The following PRKG1 variants were observed in gnomAD, a reference collection of about 807,000 sequenced individuals.
PRKG1 encodes cGMP-dependent protein kinase 1.
In PRKG1, 35 loss-of-function variants were observed where a neutral mutation model predicts 88.1. The ratio of observed to expected loss-of-function variants is 0.40; its 90% CI spans 0.30 to 0.53. The LOEUF is 0.53. Among genes scored for constraint, PRKG1 ranks in the 20% least tolerant of loss-of-function variants. PRKG1 has a pLI of 0.59. For synonymous variants in PRKG1, 303 were observed against 292.5 expected (o/e 1.04, Z -0.37); for missense variants, 540 against 839.8 (o/e 0.64, Z 4.41).
intron 8 of PRKG1, among the ~76,000 whole-genome samples, chr10:52,137,037 A>C (rs569159883): frequency 5.3e-5 from 8 of 152,232 alleles, no homozygotes; most frequent in South Asian, 2.1e-4. Context: ...CCTGCTGCTG[A>C]TATCTAATTT....
intron 2 of PRKG1, among the ~76,000 whole-genome samples, chr10:51,378,335 T>C (rs1316022949): frequency 1.3e-5 from 2 of 152,196 alleles, no homozygotes; most frequent in African/African-American, 4.8e-5. Flanking sequence ...AAATGCATGA[T>C]TCATGCATAA....
At chr10:51,155,848 T>C (rs2131979745) in intron 2 of PRKG1, among the ~76,000 whole-genome samples, 1 of 152,110 alleles carries the variant, frequency 6.6e-6, no homozygotes, top group African/African-American at 2.4e-5. Flanking sequence ...TAATCAGCTT[T>C]ACTCAATGTC....
intron 1 of PRKG1, chr10:51,062,993 TG>T (rs760726996): frequency 6.6e-6 from 1 of 152,184 alleles, no homozygotes; most frequent in Non-Finnish European, 1.5e-5. Context: ...TAGCTCATAG[TG>T]GTATTTCAGA....
At chr10:51,259,773 G>A (rs1839656986) in intron 2 of PRKG1, among the ~76,000 whole-genome samples, 1 of 152,116 alleles carries the variant, frequency 6.6e-6, no homozygotes, top group Non-Finnish European at 1.5e-5. Context: ...ACCGCGCCTG[G>A]CCCTCATCCC....
intron 9 of PRKG1, among the ~76,000 whole-genome samples, chr10:52,186,464 A>AT (rs144956784): frequency 0.034 from 5,212 of 151,860 alleles, 311 homozygotes; most frequent in African/African-American, 0.12. Context: ...TTCATGAAGG[A>AT]TTTTCCCCCA....
At chr10:52,124,790 T>A (rs1246838662) in intron 7 of PRKG1, among the ~76,000 whole-genome samples, 1 of 152,140 alleles carries the variant, frequency 6.6e-6, no homozygotes, top group African/African-American at 2.4e-5. Context: ...TATTTTTAAT[T>A]TATTGTATTT....
intron 2 of PRKG1, among the ~76,000 whole-genome samples, chr10:51,286,794 A>G (rs934334610): frequency 2.0e-5 from 3 of 152,200 alleles, no homozygotes; most frequent in African/African-American, 2.4e-5. Context: ...TATTCCTCCT[A>G]TCTAGCTGAG....
In PRKG1 at chr10:51,014,318, CTT is replaced by C. The variant is rs71029340; in HGVS notation, c.266+22689_266+22690del. On this transcript the variant is annotated intron_variant, in intron 1 of 17. Transcript: ENST00000401604. ...AGCTACTCCTGCATGCAGGCATTCTCTTTTTTTTTTTTTTTTGAGGTGCTCCA... is the reference window on the plus strand; with the variant it reads ...AGCTACTCCTGCATGCAGGCATTCTCTTTTTTTTTTTTTTGAGGTGCTCCA... 5.5e-3 allele frequency among the ~76,000 whole-genome samples: 760 copies of C among 137,946 alleles called. 6 individuals carry two copies. The highest frequency in any genetic ancestry group is 0.018 in the Admixed American group (241 of 13,664). The allele number at this position is 137,946 out of a possible 152,430, so 90.5% of individuals were successfully genotyped here. A position where few individuals can be genotyped will look rare whatever the true frequency, so the allele number is the denominator to read the frequency against.
chr10:52,086,750 C>T (rs1324854721), intron 7 of PRKG1, among the ~76,000 whole-genome samples: 1 of 152,072 alleles, frequency 6.6e-6, no homozygotes, highest in Non-Finnish European at 1.5e-5. Context: ...GGCATTTGAA[C>T]AGTGTATTAG....
intron 2 of PRKG1, among the ~76,000 whole-genome samples, chr10:51,205,127 C>CTTTCTTTCTTTTTTTTTTTTTTTTTTT (rs1433048297): frequency 3.1e-5 from 2 of 64,032 alleles, no homozygotes; most frequent in African/African-American, 5.8e-5. Flanking sequence ...ATTTTCTTTT[C>CTTTCTTTCTTTTTTTTTTTTTTTTTTT]TTTTTTTTTT....
In PRKG1 at chr10:51,171,157, G is replaced by A. The variant is rs1055424709; in HGVS notation, c.478+17827G>A. 2.6e-5 allele frequency among the ~76,000 whole-genome samples: 4 copies of A among 152,144 alleles called. No homozygotes were observed. The East Asian group carries it at 5.8e-4, about 22-fold the overall frequency. On this transcript the variant is annotated intron_variant, in intron 2 of 17. Coordinates refer to ENST00000373980, the MANE Select transcript of PRKG1 (RefSeq NM_006258.4). The stretch of plus-strand genomic sequence containing the variant: ...AATGGTATGTGAGACACAGTGAGGA[G>A]TGAAAGATGACTCCAAGTTTTTGGC...
At chr10:51,271,490 A>T (rs988325815) in intron 2 of PRKG1, among the ~76,000 whole-genome samples, 1 of 152,156 alleles carries the variant, frequency 6.6e-6, no homozygotes, top group African/African-American at 2.4e-5. Flanking sequence ...AATATTATGG[A>T]TATAAGATGT....
chr10:51,801,231 C>A (rs1255585908), intron 3 of PRKG1, among the ~76,000 whole-genome samples: 1 of 152,066 alleles, frequency 6.6e-6, no homozygotes, highest in Admixed American at 6.6e-5. Context: ...CTCAGTTCAG[C>A]CAGAGACAAT....
At chr10:51,910,067 A>T (rs1035000548) in intron 5 of PRKG1, 1 of 152,304 alleles carries the variant, frequency 6.6e-6, no homozygotes, top group African/African-American at 2.4e-5. Flanking sequence ...TTCTATTTTC[A>T]TAGGATGCAG....
chr10:51,293,638 G>C (rs10822619), intron 2 of PRKG1, among the ~76,000 whole-genome samples: 36,342 of 151,968 alleles, frequency 0.24, 4,424 homozygotes, highest in Admixed American at 0.37. Flanking sequence ...CAGACATTTA[G>C]ATTACTTCCA....
chr10:51,416,710 C>G (rs1418594435), intron 2 of PRKG1, among the ~76,000 whole-genome samples: 1 of 152,150 alleles, frequency 6.6e-6, no homozygotes, highest in Non-Finnish European at 1.5e-5. Flanking sequence ...AGTGCTTTTT[C>G]CTGGGCTAAA....
intron 3 of PRKG1, among the ~76,000 whole-genome samples, chr10:51,523,747 G>T (rs1350798286): frequency 6.6e-6 from 1 of 152,186 alleles, no homozygotes; most frequent in Non-Finnish European, 1.5e-5. Context: ...AATCTGAGAT[G>T]CATGTTATTA....
At chr10:51,900,718 G>A (rs536117837) in intron 4 of PRKG1, among the ~76,000 whole-genome samples, 64 of 152,180 alleles carry the variant, frequency 4.2e-4, no homozygotes, top group Middle Eastern at 3.4e-3. Context: ...CCCTTTAAGT[G>A]ATGGACTTAA....
intron 3 of PRKG1, among the ~76,000 whole-genome samples, chr10:51,550,345 A>AAAGC (rs2132127088): frequency 2.0e-5 from 3 of 152,220 alleles, no homozygotes; most frequent in Admixed American, 2.0e-4. Context: ...AGCTAATGCT[A>AAAGC]TACTTTGTCT....
Sources: allele counts gnomAD v4.1 joint callset (sites outside exome capture counted in the v4.1 genomes callset), GRCh38; gene constraint gnomAD v4.1.1; transcripts MANE v1.5; gene names NCBI Gene and HGNC (gene_info 2026-07-23, HGNC 2026-07-21).